The following MICALL2 variants were observed in gnomAD, a reference collection of about 807,000 sequenced individuals.
MICALL2 encodes MICAL-like protein 2.
MICALL2 carries 111 observed loss-of-function variants against 91.1 expected under a neutral mutation model. The observed-to-expected ratio is 1.22, with a 90% CI of 1.04 to 1.43. The LOEUF is 1.43. Among genes scored for constraint, MICALL2 ranks in the 40% most tolerant of loss-of-function variants. The pLI, the probability that MICALL2 is intolerant of heterozygous loss-of-function variation, is 0.00. For synonymous variants in MICALL2, 694 were observed against 525.3 expected (o/e 1.32, Z -4.39); for missense variants, 1,556 against 1,236.0 (o/e 1.26, Z -3.88).
chr7:1,453,150 C>T (rs1007776842), intron 1 of MICALL2, among the ~76,000 whole-genome samples: 1 of 152,030 alleles, frequency 6.6e-6, no homozygotes, highest in African/African-American at 2.4e-5. Flanking sequence ...CCAGGAGCCC[C>T]CCAAGAAAAT....
rs200592083 is a variant in MICALL2, at chr7:1,442,193, C to T, written c.1710G>A (p.Gln570=). Residue 570 remains glutamine (Q), a splice_region_variant and synonymous_variant, in exon 7 of 17, where the codon CAG becomes CAA. Coordinates refer to ENST00000297508, the MANE Select transcript of MICALL2 (RefSeq NM_182924.4). The part of the protein sequence containing the change: ...MAKGKSTTLT[Q]DMSTSLQEGQ... ...CCTGCCTCCCAGCCCCTTACTCACC[C>T]TGCGTTAAGGTGGTGCTTTTACCCT... 1 of 1,612,182 alleles carries T rather than the reference C, an allele frequency of 6.2e-7. No individual in the cohort carries two copies. The highest frequency in any genetic ancestry group is 8.5e-7 in the Non-Finnish European group (1 of 1,179,838).
At position 1,448,588 on chromosome 7, in the gene MICALL2, T is replaced by C. The variant is rs777736983; in HGVS notation, c.334+32A>G. On this transcript the variant is annotated intron_variant, in intron 3 of 16. Coordinates refer to ENST00000297508, the MANE Select transcript of MICALL2 (RefSeq NM_182924.4). The stretch of plus-strand genomic sequence containing the variant: ...AGGCCAAGGATGGGGGGCCTGGTCC[T>C]GCCTGGCTCGGCGGGCGCGGCAGGG... 3.5e-5 allele frequency: 57 copies of C among 1,611,328 alleles called. 2 individuals are homozygous for C. In the South Asian group the frequency reaches 5.7e-4, roughly 16 times the overall value.
Position 1,459,370 on chromosome 7 carries a change from C to A in MICALL2, c.-44G>T. Reference sequence around the variant, plus strand: ...GCGCGGCGGAACCGCCCTCCGACACCTTCCCGCGGCTGTGCCGCGACCGCC... The same window carrying A: ...GCGCGGCGGAACCGCCCTCCGACACATTCCCGCGGCTGTGCCGCGACCGCC... On this transcript the variant is annotated 5_prime_UTR_variant, in exon 1 of 17. In the 5' UTR this introduces an upstream ATG that the reference lacks. Transcript: ENST00000297508. 13 of 1,412,000 alleles carry A rather than the reference C, an allele frequency of 9.2e-6. No individual in the cohort carries two copies. The highest frequency in any genetic ancestry group is 1.1e-5 in the Non-Finnish European group (12 of 1,084,480). The allele number at this position is 1,412,000 out of a possible 1,614,324, so 87.5% of individuals were successfully genotyped here. A position where few individuals can be genotyped will look rare whatever the true frequency, so the allele number is the denominator to read the frequency against.
chr7:1,444,223 C>G (rs1261739891), intron 6 of MICALL2, among the ~76,000 whole-genome samples: 3 of 116,966 alleles, frequency 2.6e-5, no homozygotes, highest in South Asian at 2.9e-4. Context: ...GACCTGTCCC[C>G]GCGTCCACTC....
Position 1,459,281 on chromosome 7 carries a change from C to G in MICALL2, c.46G>C (p.Glu16Gln). 1.2e-6 allele frequency: 2 copies of G among 1,604,918 alleles called. No homozygotes were observed. Among genetic ancestry groups the G allele is most frequent in the Non-Finnish European group, 1.7e-6 (2 of 1,176,696 alleles). Residue 16 changes from glutamate to glutamine, a missense_variant, in exon 1 of 17, where the codon GAG (glutamate) becomes CAG (glutamine). Coordinates refer to ENST00000297508, the MANE Select transcript of MICALL2 (RefSeq NM_182924.4). ...CAGATATTCACGTCGCGGTAGCCCT[C>G]GCACTGCTGCCGGCACCACTGTTGC... Reference protein sequence around the residue: ...ALQQWCRQQCEGYRDVNICNM... With the variant: ...ALQQWCRQQCQGYRDVNICNM...
rs939520733 is a variant in MICALL2, at chr7:1,454,899, C to A, written c.143+4285G>T. Among the ~76,000 whole-genome samples the A allele has an allele frequency of 7.2e-5, 11 of 152,324 alleles. No homozygotes were observed. The East Asian group carries it at 2.1e-3, about 29-fold the overall frequency. On this transcript the variant is annotated intron_variant, in intron 1 of 16. Coordinates refer to ENST00000297508, the MANE Select transcript of MICALL2 (RefSeq NM_182924.4). ...GCACAGCGGCCGCCCCAGCCACCCC[C>A]ACTTCCTGGCCCAGCCCTGAGCCCG... is the stretch of plus-strand genomic sequence containing the variant.
intron 1 of MICALL2, 74 bp from the exon 2 acceptor site, chr7:1,450,362 A>C (rs1440576220): frequency 7.8e-7 from 1 of 1,276,466 alleles, no homozygotes; most frequent in Non-Finnish European, 1.1e-6. Context: ...CTCAGAGGTC[A>C]TCTTGCCCAA....
intron 16 of MICALL2, 147 bp from the exon 17 acceptor site, chr7:1,434,819 TC>T: frequency 1.1e-6 from 1 of 878,896 alleles, no homozygotes; most frequent in Non-Finnish European, 1.7e-6. Flanking sequence ...CCCTGTGCCC[TC>T]CCACGTGAGA....
At chr7:1,435,806 G>A (rs1779938751) in intron 15 of MICALL2, among the ~76,000 whole-genome samples, 1 of 152,212 alleles carries the variant, frequency 6.6e-6, no homozygotes, top group African/African-American at 2.4e-5. Flanking sequence ...TGTAATCCCA[G>A]CACTTTGGGA....
rs1780317278 is a variant in MICALL2 at position 1,442,181 on chromosome 7, C to A, written c.1711+11G>T. 2 of 1,611,284 alleles carry A rather than the reference C, an allele frequency of 1.2e-6. No homozygotes were observed. The highest frequency in any genetic ancestry group is 1.3e-5 in the African/African-American group (1 of 74,744). On this transcript the variant is annotated intron_variant, in intron 7 of 16. Transcript: ENST00000297508. The stretch of plus-strand genomic sequence containing the variant: ...CCCCCGGGGCCTCCTGCCTCCCAGC[C>A]CCTTACTCACCCTGCGTTAAGGTGG...
At chr7:1,457,778 C>T (rs1781072147) in intron 1 of MICALL2, among the ~76,000 whole-genome samples, 1 of 152,252 alleles carries the variant, frequency 6.6e-6, no homozygotes, top group Non-Finnish European at 1.5e-5. Flanking sequence ...CGCCTCTCCC[C>T]ACCCCAGAGG....
chr7:1,435,448 ACCTGGACAGGAGGG>A (rs1438374512), intron 15 of MICALL2, among the ~76,000 whole-genome samples: 1 of 149,106 alleles, frequency 6.7e-6, no homozygotes, highest in African/African-American at 2.5e-5. Context: ...GGACAGGAGG[ACCTGGACAGGAGGG>A]CCTGGGCCGA....
Position 1,438,412 on chromosome 7 carries a change from G to C in MICALL2, c.2123-59C>G, listed in dbSNP as rs894444988. On this transcript the variant is annotated intron_variant, in intron 10 of 16. Transcript: ENST00000297508. ...GGGCCACCAGGCCCAACGTGACCAG[G>C]ACACAGCTTGGAAGGAGCCTGACCT... The C allele has an allele frequency of 5.1e-6, 8 of 1,554,082 alleles. 1 individual carries two copies. In the East Asian group the frequency reaches 1.2e-4, roughly 23 times the overall value.
At position 1,445,658 on chromosome 7, in the gene MICALL2, C is replaced by G. The variant is rs369561366; in HGVS notation, c.642-230G>C. ...TCAACAAACGCCTCTTCTCAGGGTC[C>G]TTAACCACTTACATCACAAACCCCA... On this transcript the variant is annotated intron_variant, in intron 5 of 16. Transcript: ENST00000297508. 3.9e-4 allele frequency among the ~76,000 whole-genome samples: 60 copies of G among 152,348 alleles called. No individual in the cohort carries two copies. The South Asian group carries it at 0.012, about 32-fold the overall frequency.
chr7:1,438,190 TCTC>T lies in MICALL2; in HGVS notation c.2215_2217del (p.Glu739del). The T allele has an allele frequency of 6.3e-7, 1 of 1,577,904 alleles. No individual in the cohort carries two copies. The highest frequency in any genetic ancestry group is 1.2e-5 in the South Asian group (1 of 86,556). ...TCGATGTCCTGCAGCTGCCTCTGTA[TCTC>T]CTCCGGGGAGAGGTAGTCGGGGTGC... On this transcript the variant is annotated inframe_deletion, in exon 12 of 17. Transcript: ENST00000297508.
chr7:1,434,519 G>T lies in MICALL2; in HGVS notation c.*77C>A. On this transcript the variant is annotated 3_prime_UTR_variant, in exon 17 of 17. Transcript: ENST00000297508. ...GGCCCCGAGTACAAGTCCGGGTTCCGGGTCCGGGCCAAGCCCATGGCCCCG... is the reference window on the plus strand; with the variant it reads ...GGCCCCGAGTACAAGTCCGGGTTCCTGGTCCGGGCCAAGCCCATGGCCCCG... The T allele has an allele frequency of 7.5e-7, 1 of 1,341,598 alleles. No individual in the cohort carries two copies. Among genetic ancestry groups the T allele is most frequent in the Non-Finnish European group, 1.1e-6 (1 of 932,958 alleles). 83.1% of individuals were successfully genotyped at this position (1,341,598 alleles called of 1,614,324 possible). A position where few individuals can be genotyped will look rare whatever the true frequency, so the allele number is the denominator to read the frequency against.
intron 8 of MICALL2, 190 bp downstream of exon 8, chr7:1,440,401 C>T (rs529500259): frequency 1.5e-5 from 10 of 648,884 alleles, no homozygotes; most frequent in African/African-American, 7.2e-5. Flanking sequence ...AGGTGAGACA[C>T]GCAACGCTGC....
intron 10 of MICALL2, 75 bp from the exon 11 acceptor site, chr7:1,438,428 A>G (rs930710060): frequency 2.3e-5 from 36 of 1,541,758 alleles, no homozygotes; most frequent in Admixed American, 3.9e-5. Context: ...GCTTGGAAGG[A>G]GCCTGACCTC....
chr7:1,447,493 C>T (rs1780651558), intron 4 of MICALL2, 82 bp downstream of exon 4: 1 of 858,576 alleles, frequency 1.2e-6, no homozygotes, highest in South Asian at 1.8e-5. Flanking sequence ...GGCTTAGGGG[C>T]CGCACGTAGT....
Sources: allele counts gnomAD v4.1 joint callset (sites outside exome capture counted in the v4.1 genomes callset), GRCh38; gene constraint gnomAD v4.1.1; transcripts MANE v1.5; gene names NCBI Gene and HGNC (gene_info 2026-07-23, HGNC 2026-07-21).